ITGA9: variants seen among roughly 807,000 people sequenced by gnomAD.
ITGA9 encodes integrin subunit alpha 9, also known as integrin alpha-9.
In ITGA9, 56 loss-of-function variants were observed where a neutral mutation model predicts 127.8. The ratio of observed to expected loss-of-function variants is 0.44; its 90% CI spans 0.35 to 0.55. The LOEUF (loss-of-function observed/expected upper bound fraction) is 0.55. Among genes scored for constraint, ITGA9 ranks in the 20% least tolerant of loss-of-function variants. ITGA9 has a pLI of 0.00. For missense variants in ITGA9, 1,196 were observed against 1,347.1 expected (o/e 0.89, Z 1.76); for synonymous variants, 508 against 514.5 (o/e 0.99, Z 0.17).
At chr3:37,472,639 G>T (rs1036279366) in intron 2 of ITGA9, among the ~76,000 whole-genome samples, 2 of 151,972 alleles carry the variant, frequency 1.3e-5, no homozygotes, top group African/African-American at 2.4e-5. Flanking sequence ...CAAGTGAACC[G>T]CCCACCTCAG....
At chr3:37,630,614 T>C (rs1700221718) in intron 16 of ITGA9, among the ~76,000 whole-genome samples, 3 of 152,156 alleles carry the variant, frequency 2.0e-5, no homozygotes, top group Admixed American at 6.5e-5. Context: ...GATGGTTCTC[T>C]AGAGAAGAAT....
intron 14 of ITGA9, among the ~76,000 whole-genome samples, chr3:37,536,012 T>G (rs1210209151): frequency 6.6e-6 from 1 of 151,962 alleles, no homozygotes; most frequent in Non-Finnish European, 1.5e-5. Flanking sequence ...CAGGTAACTG[T>G]GGGGGCCCAG....
At chr3:37,635,596 T>TTTTA in intron 16 of ITGA9, among the ~76,000 whole-genome samples, 1 of 149,970 alleles carries the variant, frequency 6.7e-6, no homozygotes, top group East Asian at 1.9e-4. Context: ...ATTTTATTTT[T>TTTTA]TTCCTAAATT....
chr3:37,744,736 A>G (rs1052212612), intron 22 of ITGA9, among the ~76,000 whole-genome samples: 1 of 152,270 alleles, frequency 6.6e-6, no homozygotes, highest in African/African-American at 2.4e-5. Context: ...GCATCTATTC[A>G]ACCATACTTC....
chr3:37,759,687 A>C (rs1575225401), intron 23 of ITGA9, among the ~76,000 whole-genome samples: 1 of 144,484 alleles, frequency 6.9e-6, no homozygotes, highest in African/African-American at 2.6e-5. Flanking sequence ...ATATCACCTG[A>C]GGTCAGGAGT....
chr3:37,722,725 G>A (rs1701202806), intron 18 of ITGA9, among the ~76,000 whole-genome samples: 1 of 152,176 alleles, frequency 6.6e-6, no homozygotes, highest in South Asian at 2.1e-4. Context: ...ATCAGTTGCT[G>A]GACATTAGAT....
chr3:37,534,142 T>G lies in ITGA9; in HGVS notation c.1528+674T>G, dbSNP rs1699185506. Among the ~76,000 whole-genome samples, 3 of 152,322 alleles carry G rather than the reference T, an allele frequency of 2.0e-5. 1 individual carries two copies. The South Asian group carries it at 6.2e-4, about 32-fold the overall frequency. On this transcript the variant is annotated intron_variant, in intron 14 of 27. Coordinates refer to ENST00000264741, the MANE Select transcript of ITGA9 (RefSeq NM_002207.3). ...AGTGTTGATTGGAATTCAGAGCACG[T>G]GATCACCTGAAGGAAATGAATCTGG...
intron 5 of ITGA9, among the ~76,000 whole-genome samples, chr3:37,501,001 A>C (rs1698782013): frequency 6.6e-6 from 1 of 152,072 alleles, no homozygotes; most frequent in African/African-American, 2.4e-5. Flanking sequence ...TTTTTCTGAA[A>C]TACTTTGCAC....
chr3:37,732,546 A>C (rs1257219059), intron 18 of ITGA9, among the ~76,000 whole-genome samples, 166 bp from the exon 19 acceptor site: 2 of 152,138 alleles, frequency 1.3e-5, no homozygotes, highest in East Asian at 3.9e-4. Flanking sequence ...CCCATGAAAA[A>C]GTGGGCAGCT....
At chr3:37,621,799 A>G (rs963095276) in intron 15 of ITGA9, among the ~76,000 whole-genome samples, 3 of 152,200 alleles carry the variant, frequency 2.0e-5, no homozygotes, top group Admixed American at 6.5e-5. Flanking sequence ...ATCCATTACT[A>G]TATGTGCAAT....
At chr3:37,584,433 A>C (rs543516737) in intron 15 of ITGA9, among the ~76,000 whole-genome samples, 34 of 152,254 alleles carry the variant, frequency 2.2e-4, no homozygotes, top group African/African-American at 8.2e-4. Flanking sequence ...CCTTAGAGTC[A>C]ATGACAAAGG....
intron 16 of ITGA9, among the ~76,000 whole-genome samples, chr3:37,637,560 A>T (rs563188489): frequency 6.6e-6 from 1 of 152,328 alleles, no homozygotes; most frequent in East Asian, 1.9e-4. Context: ...TTCTACATAT[A>T]CAATCATGTC....
chr3:37,542,623 C>A, intron 15 of ITGA9, 38 bp downstream of exon 15: 1 of 1,606,690 alleles, frequency 6.2e-7, no homozygotes, highest in Non-Finnish European at 8.5e-7. Context: ...AAACTTTGAT[C>A]TCTGCAGATG....
chr3:37,462,123 G>A (rs1362764629), intron 1 of ITGA9, among the ~76,000 whole-genome samples: 2 of 152,204 alleles, frequency 1.3e-5, no homozygotes, highest in Non-Finnish European at 2.9e-5. Context: ...GATGTGGAAG[G>A]AAAACCTCAG....
chr3:37,500,683 G>A (rs1004790159), intron 5 of ITGA9, among the ~76,000 whole-genome samples: 3 of 152,068 alleles, frequency 2.0e-5, no homozygotes, highest in Non-Finnish European at 2.9e-5. Flanking sequence ...AAATCTCTGC[G>A]GCAGGATCTA....
At chr3:37,750,345 C>G in intron 22 of ITGA9, 117 bp from the exon 23 acceptor site, 1 of 734,306 alleles carries the variant, frequency 1.4e-6, no homozygotes, top group Admixed American at 2.0e-5. Flanking sequence ...CTTCCAGATC[C>G]GAACCTTAGA....
intron 23 of ITGA9, among the ~76,000 whole-genome samples, chr3:37,771,774 C>A (rs1260799335): frequency 2.6e-5 from 4 of 152,150 alleles, no homozygotes; most frequent in African/African-American, 9.7e-5. Context: ...AGTCAGCAGG[C>A]ACTTTTGTCT....
At chr3:37,534,119 T>C (rs1699185115) in intron 14 of ITGA9, among the ~76,000 whole-genome samples, 1 of 152,164 alleles carries the variant, frequency 6.6e-6, no homozygotes, top group Admixed American at 6.5e-5. Flanking sequence ...ATAGAACCAG[T>C]GTTGATTGGA....
rs114700487 is a variant in ITGA9 at position 37,566,049 on chromosome 3, G to A, written c.1689+23464G>A. Among the ~76,000 whole-genome samples the A allele has an allele frequency of 8.4e-3, 1,276 of 152,276 alleles. 18 individuals carry two copies. Among genetic ancestry groups the A allele is most frequent in the African/African-American group, 0.029 (1,188 of 41,532 alleles). On this transcript the variant is annotated intron_variant, in intron 15 of 27. Transcript: ENST00000264741. ...AGTGACCCTGGCTCCTATTGTCTCT[G>A]TCTCTCTATATCTATAACTTTTAAT...
Sources: allele counts gnomAD v4.1 joint callset (sites outside exome capture counted in the v4.1 genomes callset), GRCh38; gene constraint gnomAD v4.1.1; transcripts MANE v1.5; gene names NCBI Gene and HGNC (gene_info 2026-07-23, HGNC 2026-07-21).